The following NCOR2 variants were observed in gnomAD, a reference collection of about 807,000 sequenced individuals.
The protein encoded by NCOR2 is nuclear receptor corepressor 2.
In NCOR2, 81 loss-of-function variants were observed where a neutral mutation model predicts 262.9. The ratio of observed to expected loss-of-function variants is 0.31; its 90% CI spans 0.26 to 0.37. The LOEUF (loss-of-function observed/expected upper bound fraction) is 0.37, where lower values mean the gene tolerates loss of function less well. Ranked by LOEUF, NCOR2 falls within the 10% of genes least tolerant of loss-of-function variation. NCOR2 has a pLI of 1.00. For missense variants in NCOR2, 3,385 were observed against 3,621.4 expected (o/e 0.93, Z 1.68); for synonymous variants, 1,659 against 1,559.3 (o/e 1.06, Z -1.51).
Position 124,426,834 on chromosome 12 carries a change from A to C in NCOR2, c.1150-34T>G, listed in dbSNP as rs374427723. 375 of 1,531,178 alleles carry C rather than the reference A, an allele frequency of 2.4e-4. 1 individual carries two copies. In the African/African-American group the frequency reaches 4.6e-3, roughly 19 times the overall value. 94.8% of individuals were successfully genotyped at this position (1,531,178 alleles called of 1,614,324 possible). A position where few individuals can be genotyped will look rare whatever the true frequency, so the allele number is the denominator to read the frequency against. ...AAACGGAGGGCAGGGTCAGAGGCCC[A>C]GGGACGAGGTGCTCCGGCCGGCGCA... On this transcript the variant is annotated intron_variant, in intron 10 of 46. Coordinates refer to ENST00000405201, the Ensembl canonical transcript of NCOR2.
At chr12:124,352,061 C>T (rs746220979) in intron 27 of NCOR2, among the ~76,000 whole-genome samples, 9 of 152,202 alleles carry the variant, frequency 5.9e-5, no homozygotes, top group Non-Finnish European at 1.2e-4. Flanking sequence ...CTTCCCAAAG[C>T]AAATACTCTG....
intron 1 of NCOR2, chr12:124,542,645 T>C (rs894263035): frequency 3.3e-5 from 5 of 152,346 alleles, no homozygotes; most frequent in Non-Finnish European, 5.9e-5. Context: ...CAGGCATGAC[T>C]CCCAGAAGCC....
chr12:124,333,203 T>C (rs2035373005), exon 42 of NCOR2: 1 of 1,613,094 alleles, frequency 6.2e-7, no homozygotes, highest in Non-Finnish European at 8.5e-7. Context: ...GGCTCCGTCA[T>C]GCCCTCCGGT....
Position 124,378,455 on chromosome 12 carries a change from G to A in NCOR2, c.2020-71C>T. ...CAGCTCGGGGACTCCCCATGCCTGGGGCCTCGCCGCAGGTGCAAAGGGCAG... is the reference window on the plus strand; with the variant it reads ...CAGCTCGGGGACTCCCCATGCCTGGAGCCTCGCCGCAGGTGCAAAGGGCAG... On this transcript the variant is annotated intron_variant, in intron 17 of 46. Coordinates refer to ENST00000405201, the Ensembl canonical transcript of NCOR2. This position sits in a 1 kb window ranked among gnomAD's most constrained non-coding sequence, Gnocchi z 4.2. 6.8e-7 allele frequency: 1 copy of A among 1,473,128 alleles called. No homozygotes were observed. Among genetic ancestry groups the A allele is most frequent in the South Asian group, 1.3e-5 (1 of 75,596 alleles). The allele number at this position is 1,473,128 out of a possible 1,614,324, so 91.3% of individuals were successfully genotyped here. A position where few individuals can be genotyped will look rare whatever the true frequency, so the allele number is the denominator to read the frequency against.
At chr12:124,419,036 G>A (rs1216415767) in intron 13 of NCOR2, among the ~76,000 whole-genome samples, 2 of 151,850 alleles carry the variant, frequency 1.3e-5, no homozygotes, top group Admixed American at 6.6e-5. Flanking sequence ...GCCTCCACCC[G>A]CCTCCTCTGT....
At chr12:124,529,072 G>C (rs1377751160) in intron 1 of NCOR2, among the ~76,000 whole-genome samples, 1 of 151,358 alleles carries the variant, frequency 6.6e-6, no homozygotes, top group Non-Finnish European at 1.5e-5. Flanking sequence ...CCAGCTTCTA[G>C]GGAGGCTGAG....
intron 17 of NCOR2, among the ~76,000 whole-genome samples, chr12:124,382,355 C>T (rs977576528): frequency 2.6e-5 from 4 of 152,184 alleles, no homozygotes; most frequent in Non-Finnish European, 4.4e-5. Flanking sequence ...CTGCAGCCCG[C>T]GATATGAGGG....
rs1425075837 is a variant in NCOR2, at chr12:124,429,423, C to G, written c.1149+190G>C. On this transcript the variant is annotated intron_variant, in intron 10 of 46. Coordinates refer to ENST00000405201, the Ensembl canonical transcript of NCOR2. ...ACCCTCCCTCTCAGACACATTAACA[C>G]CCCTCTCTCTGCTCGCCCCTGCAGG... 3.7e-5 allele frequency: 23 copies of G among 624,774 alleles called. No homozygotes were observed. The South Asian group carries it at 3.8e-4, about 10-fold the overall frequency. The allele number at this position is 624,774 out of a possible 1,614,324, so 38.7% of individuals were successfully genotyped here.
At chr12:124,355,079 T>C in intron 24 of NCOR2, 140 bp from the exon 27 acceptor site, 1 of 700,672 alleles carries the variant, frequency 1.4e-6, no homozygotes, top group Non-Finnish European at 2.4e-6. Flanking sequence ...GGCAGACAAG[T>C]CACTGCTACT....
chr12:124,503,441 A>C lies in NCOR2; in HGVS notation c.-117-8073T>G, dbSNP rs543262555. On this transcript the variant is annotated intron_variant, in intron 1 of 46. Coordinates refer to the NCOR2 transcript ENST00000404621. This position sits in a 1 kb window ranked among gnomAD's most constrained non-coding sequence, Gnocchi z 4.3. ...GATGGATGAATGCATGCATGGATAG[A>C]GAAAGGAGGAAGGATGCATGGACTG... 6.6e-6 allele frequency among the ~76,000 whole-genome samples: 1 copy of C among 152,192 alleles called. No individual in the cohort carries two copies. The highest frequency in any genetic ancestry group is 2.1e-4 in the South Asian group (1 of 4,826).
In NCOR2 at chr12:124,474,315, C is replaced by G. The variant is rs557534257; in HGVS notation, c.412-1184G>C. 3.9e-5 allele frequency among the ~76,000 whole-genome samples: 6 copies of G among 152,350 alleles called. No individual in the cohort carries two copies. In the East Asian group the frequency reaches 7.7e-4, roughly 20 times the overall value. On this transcript the variant is annotated intron_variant, in intron 3 of 46. Coordinates refer to ENST00000405201, the Ensembl canonical transcript of NCOR2. ...ACAGTTAAGCTAAAAGGAGTTATCT[C>G]GGCAGCAGGGCAGAAGAGGGTATTT...
intron 1 of NCOR2, among the ~76,000 whole-genome samples, chr12:124,493,388 G>A (rs1288950341): frequency 6.6e-6 from 1 of 152,208 alleles, no homozygotes; most frequent in Non-Finnish European, 1.5e-5. Context: ...GCAGCAAACG[G>A]ACAGAGCGGG....
intron 1 of NCOR2, among the ~76,000 whole-genome samples, chr12:124,564,400 C>T (rs1216814463): frequency 4.6e-5 from 7 of 152,340 alleles, no homozygotes; most frequent in Non-Finnish European, 5.9e-5. Context: ...CAGCTCCCAC[C>T]GGCAGTTCCC....
In NCOR2 at chr12:124,341,671, C is replaced by T. The variant is rs538044757; in HGVS notation, c.5188+152G>A. 9.6e-5 allele frequency: 116 copies of T among 1,206,992 alleles called. No individual in the cohort carries two copies. The African/African-American group carries it at 1.0e-3, about 10-fold the overall frequency. The allele number at this position is 1,206,992 out of a possible 1,614,324, so 74.8% of individuals were successfully genotyped here. On this transcript the variant is annotated intron_variant, in intron 34 of 46. Coordinates refer to ENST00000405201, the Ensembl canonical transcript of NCOR2. Reference sequence around the variant, plus strand: ...CAGATGCCAACCAGCACCCACAGCACGCACAACCCCAGGCCACCCACTCAG... The same window carrying T: ...CAGATGCCAACCAGCACCCACAGCATGCACAACCCCAGGCCACCCACTCAG...
At chr12:124,438,972 C>A (rs1211219600) in intron 7 of NCOR2, among the ~76,000 whole-genome samples, 1 of 43,670 alleles carries the variant, frequency 2.3e-5, no homozygotes, top group African/African-American at 8.7e-5. Flanking sequence ...CAGAGGGAGA[C>A]AGAGACCCAG....
intron 41 of NCOR2, among the ~76,000 whole-genome samples, chr12:124,334,028 G>GTGTGCGCGCATGTGTGTGTGCGCGCAT (rs1593094229): frequency 2.0e-5 from 3 of 150,364 alleles, no homozygotes; most frequent in Non-Finnish European, 3.0e-5. Flanking sequence ...GTGCATGTGT[G>GTGTGCGCGCATGTGTGTGTGCGCGCAT]GAAAGGCTGC....
At chr12:124,325,684 T>A in intron 46 of NCOR2, 101 bp from the exon 49 acceptor site, 1 of 758,852 alleles carries the variant, frequency 1.3e-6, no homozygotes, top group Non-Finnish European at 1.9e-6. Context: ...TCAGCGTTTC[T>A]GTCCAACAGT....
At chr12:124,401,887 G>A (rs1262486100) in intron 14 of NCOR2, among the ~76,000 whole-genome samples, 1 of 152,220 alleles carries the variant, frequency 6.6e-6, no homozygotes, top group Non-Finnish European at 1.5e-5. Flanking sequence ...CTGCACTCCT[G>A]CAGCCCCTGG....
At chr12:124,339,591 T>A in intron 37 of NCOR2, among the ~76,000 whole-genome samples, 1 of 109,458 alleles carries the variant, frequency 9.1e-6, no homozygotes, top group South Asian at 3.4e-4. Context: ...AACCTAACCA[T>A]CTATCCTCCC....
Sources: gnomAD v4.1 joint callset for allele counts (sites outside exome capture counted in the v4.1 genomes callset) on GRCh38, gnomAD v4.1.1 for gene constraint, Gnocchi (gnomAD v3.1) non-coding constraint, MANE v1.5 for transcripts, NCBI Gene and HGNC (gene_info 2026-07-23, HGNC 2026-07-21) for gene names.